Variants in UBE2O observed in about 807,000 individuals in gnomAD.
UBE2O encodes ubiquitin conjugating enzyme E2 O.
Under a neutral mutation model 125.8 loss-of-function variants are expected in UBE2O, and 15 were observed. The observed-to-expected ratio is 0.12, with a 90% CI of 0.08 to 0.18. The LOEUF is 0.18. Among genes scored for constraint, UBE2O ranks in the 10% least tolerant of loss-of-function variants. The pLI, the probability that UBE2O is intolerant of heterozygous loss-of-function variation, is 1.00. For missense variants in UBE2O, 1,280 were observed against 1,723.6 expected (o/e 0.74, Z 4.56); for synonymous variants, 708 against 703.2 (o/e 1.01, Z -0.11).
chr17:76,399,243 C>A lies in UBE2O; in HGVS notation c.1628+206G>T. The A allele has an allele frequency of 1.4e-6, 1 of 701,798 alleles. No homozygotes were observed. Among genetic ancestry groups the A allele is most frequent in the Non-Finnish European group, 2.3e-6 (1 of 427,216 alleles). 43.5% of individuals were successfully genotyped at this position (701,798 alleles called of 1,614,324 possible). ...CAGAAGGCCAAGCTTAAGGCCACCA[C>A]CATCCCACCCTCTGCACCACTCCTC... On this transcript the variant is annotated intron_variant, in intron 9 of 17. Transcript: ENST00000319380. The surrounding 1 kb of genome is among the most constrained non-coding windows in gnomAD (Gnocchi z 6.9).
Position 76,440,059 on chromosome 17 carries a change from C to T in UBE2O, c.417+12666G>A, listed in dbSNP as rs570592689. Among the ~76,000 whole-genome samples, 9 of 152,302 alleles carry T rather than the reference C, an allele frequency of 5.9e-5. No individual in the cohort carries two copies. The South Asian group carries it at 1.9e-3, about 32-fold the overall frequency. On this transcript the variant is annotated intron_variant, in intron 1 of 17. Transcript: ENST00000319380. ...AGAGATGCTTCTGTGCTTCTCTTAC[C>T]TTCCGGCTGGGGACAGTAAACAGGA...
intron 1 of UBE2O, among the ~76,000 whole-genome samples, chr17:76,423,729 A>AAAT (rs1567847288): frequency 9.0e-5 from 5 of 55,408 alleles, no homozygotes; most frequent in Admixed American, 1.6e-4. Context: ...AATAAATAAA[A>AAAT]AATAAGGTCA....
rs1219113912 is a variant in UBE2O, at chr17:76,400,392, C to T, written c.1004+49G>A. On this transcript the variant is annotated intron_variant, in intron 7 of 17. Transcript: ENST00000319380. This position sits in a 1 kb window ranked among gnomAD's most constrained non-coding sequence, Gnocchi z 4.3. ...CCAGGCATGTGACCAGGGCCCAGAG[C>T]CCTGTCCCACGCGTGCCCCTGGGTT... 1 of 1,596,170 alleles carries T rather than the reference C, an allele frequency of 6.3e-7. No homozygotes were observed. Among genetic ancestry groups the T allele is most frequent in the East Asian group, 2.2e-5 (1 of 44,604 alleles).
In UBE2O at chr17:76,399,170, TTC is replaced by T. The variant is rs1273488318; in HGVS notation, c.1629-181_1629-180del. ...TCACCCAGGGTTCCAAGGCCACGCA[TTC>T]TCTGAGAACAGGATCCACTTGGGAG... On this transcript the variant is annotated intron_variant, in intron 9 of 17. Coordinates refer to ENST00000319380, the MANE Select transcript of UBE2O (RefSeq NM_022066.4). The surrounding 1 kb of genome is among the most constrained non-coding windows in gnomAD (Gnocchi z 6.9). 3.6e-6 allele frequency: 3 copies of T among 843,998 alleles called. No homozygotes were observed. Among genetic ancestry groups the T allele is most frequent in the African/African-American group, 3.4e-5 (2 of 58,248 alleles). 52.3% of individuals were successfully genotyped at this position (843,998 alleles called of 1,614,324 possible).
intron 1 of UBE2O, among the ~76,000 whole-genome samples, chr17:76,424,990 C>T (rs1341765630): frequency 1.3e-5 from 2 of 151,322 alleles, no homozygotes; most frequent in African/African-American, 4.8e-5. Flanking sequence ...CCTGCCTCAG[C>T]CTCCCGAGTA....
In UBE2O at chr17:76,405,517, G is replaced by C. The variant is rs770959050; in HGVS notation, c.473C>G (p.Ser158Cys). ...GGGTGGGGACGCAGGACTCACGGTG[G>C]ATCGCATGTGCCGGACCACATCTCG... ...VPRDVVRHMR[S>C]TDSQCGTVID... Residue 158 changes from serine (S) to cysteine (C), a missense_variant, in exon 2 of 18, where the codon TCC becomes TGC. Transcript: ENST00000319380. The surrounding 1 kb of genome is among the most constrained non-coding windows in gnomAD (Gnocchi z 6.1). 6.3e-7 allele frequency: 1 copy of C among 1,597,870 alleles called. No individual in the cohort carries two copies. The highest frequency in any genetic ancestry group is 1.1e-5 in the South Asian group (1 of 87,856).
In UBE2O at chr17:76,453,027, C is replaced by A. The variant is rs1405281237; in HGVS notation, c.115G>T (p.Ala39Ser). 2.1e-6 allele frequency: 3 copies of A among 1,438,764 alleles called. No homozygotes were observed. Among genetic ancestry groups the A allele is most frequent in the Non-Finnish European group, 2.7e-6 (3 of 1,097,024 alleles). 89.1% of individuals were successfully genotyped at this position (1,438,764 alleles called of 1,614,324 possible). A position where few individuals can be genotyped will look rare whatever the true frequency, so the allele number is the denominator to read the frequency against. ...GACGGCCCGGAGGCCGAGTCCGAGG[C>A]GGGCGCCGGCGCCGGGACGGGGGCT... ...AAAPVPAPAPASDSASGPSSD... is the reference protein window; with the variant it reads ...AAAPVPAPAPSSDSASGPSSD... The change falls in exon 1 of 18, where the codon GCC becomes TCC. Residue 39 changes from alanine to serine, a missense_variant. Transcript: ENST00000319380.
intron 1 of UBE2O, among the ~76,000 whole-genome samples, chr17:76,425,623 A>G (rs532568486): frequency 6.6e-6 from 1 of 152,258 alleles, no homozygotes; most frequent in East Asian, 1.9e-4. Flanking sequence ...CATCCTTTCA[A>G]CAGTTCCACT....
intron 1 of UBE2O, among the ~76,000 whole-genome samples, chr17:76,446,961 C>G (rs1170374370): frequency 6.6e-6 from 1 of 152,200 alleles, no homozygotes; most frequent in African/African-American, 2.4e-5. Flanking sequence ...GTGGAATCTG[C>G]AGAAGCACAC....
intron 1 of UBE2O, among the ~76,000 whole-genome samples, chr17:76,436,756 G>A (rs1239134166): frequency 6.6e-6 from 1 of 152,084 alleles, no homozygotes; most frequent in Non-Finnish European, 1.5e-5. Context: ...CCCTCCTTCT[G>A]AACAAAATTC....
intron 1 of UBE2O, among the ~76,000 whole-genome samples, chr17:76,417,541 C>A (rs2072635687): frequency 6.6e-6 from 1 of 152,212 alleles, no homozygotes; most frequent in South Asian, 2.1e-4. Flanking sequence ...TCAAAATTCT[C>A]TACCCCCTCC....
intron 1 of UBE2O, among the ~76,000 whole-genome samples, chr17:76,433,529 T>C (rs2072936038): frequency 6.6e-6 from 1 of 151,424 alleles, no homozygotes; most frequent in Non-Finnish European, 1.5e-5. Flanking sequence ...CGTACAACCG[T>C]TTGAGTATAC....
chr17:76,423,725 T>TAAAA (rs1555608482), intron 1 of UBE2O, among the ~76,000 whole-genome samples: 54 of 148,928 alleles, frequency 3.6e-4, no homozygotes, highest in Non-Finnish European at 4.6e-4. Flanking sequence ...AATAAATAAA[T>TAAAA]AAAAAATAAG....
At chr17:76,446,540 C>T (rs559836652) in intron 1 of UBE2O, among the ~76,000 whole-genome samples, 7 of 152,080 alleles carry the variant, frequency 4.6e-5, no homozygotes, top group Non-Finnish European at 1.0e-4. Flanking sequence ...TGCAAAGAGG[C>T]CTCTAATGTC....
At chr17:76,449,197 C>A (rs1266984668) in intron 1 of UBE2O, among the ~76,000 whole-genome samples, 1 of 152,258 alleles carries the variant, frequency 6.6e-6, no homozygotes, top group African/African-American at 2.4e-5. Context: ...TAAGCCTTTA[C>A]TCATTGCCCT....
At chr17:76,447,930 G>C (rs1286574076) in intron 1 of UBE2O, among the ~76,000 whole-genome samples, 1 of 152,162 alleles carries the variant, frequency 6.6e-6, no homozygotes, top group Admixed American at 6.5e-5. Context: ...TCCTAGGCTT[G>C]ACCCAGCTAC....
chr17:76,397,250 C>T (rs1054729145), intron 13 of UBE2O, among the ~76,000 whole-genome samples: 15 of 152,214 alleles, frequency 9.9e-5, no homozygotes, highest in African/African-American at 3.1e-4. Context: ...TATCCTGCTG[C>T]GTTCCCTGGA....
chr17:76,417,216 T>C lies in UBE2O; in HGVS notation c.418-11644A>G, dbSNP rs180677320. Among the ~76,000 whole-genome samples the C allele has an allele frequency of 8.5e-4, 129 of 152,288 alleles. 1 individual carries two copies. Among genetic ancestry groups the C allele is most frequent in the Admixed American group, 7.5e-3 (115 of 15,306 alleles). ...ACCTCTCCCTGACTCAGGGGCAGGC[T>C]TCTGCTCTTCACATGTGGGCACCCC... On this transcript the variant is annotated intron_variant, in intron 1 of 17. Transcript: ENST00000319380.
rs767520658 is a variant in UBE2O at position 76,396,430 on chromosome 17, G to C, written c.2507C>G (p.Ser836Trp). ...NMTVEQLLTG[S>W]PTSPTVEPEK... is the part of the protein sequence containing the mutation. Reference sequence around the variant, plus strand: ...AGGCTCCACAGTCGGAGAGGTGGGCGAGCCCGTCAGCAGCTGCTCCACAGT... The same window carrying C: ...AGGCTCCACAGTCGGAGAGGTGGGCCAGCCCGTCAGCAGCTGCTCCACAGT... Residue 836 changes from serine to tryptophan, a missense_variant, in exon 14 of 18, where the codon TCG becomes TGG. Physicochemically the swap from Ser to Trp is radical, Grantham distance 177. Transcript: ENST00000319380. This position sits in a 1 kb window ranked among gnomAD's most constrained non-coding sequence, Gnocchi z 6.7. 1 of 1,614,106 alleles carries C rather than the reference G, an allele frequency of 6.2e-7. No individual in the cohort carries two copies. Among genetic ancestry groups the C allele is most frequent in the South Asian group, 1.1e-5 (1 of 91,074 alleles).
Sources: allele counts gnomAD v4.1 joint callset (sites outside exome capture counted in the v4.1 genomes callset), GRCh38; gene constraint gnomAD v4.1.1; non-coding constraint Gnocchi (gnomAD v3.1); transcripts MANE v1.5; gene names NCBI Gene and HGNC (gene_info 2026-07-23, HGNC 2026-07-21).